The following CTNS variants were observed in gnomAD, a reference collection of about 807,000 sequenced individuals.
The protein encoded by CTNS is cystinosin.
Under a neutral mutation model 43.7 loss-of-function variants are expected in CTNS, and 27 were observed. That is an observed-to-expected ratio of 0.62 (90% CI 0.46 to 0.85). The LOEUF (loss-of-function observed/expected upper bound fraction) is 0.85, where lower values mean the gene tolerates loss of function less well. CTNS is among the 40% of genes least tolerant of loss of function. CTNS has a pLI of 0.00. For synonymous variants in CTNS, 187 were observed against 190.6 expected (o/e 0.98, Z 0.16); for missense variants, 457 against 475.4 (o/e 0.96, Z 0.36).
At chr17:3,638,707 A>T (rs1039062278) in intron 2 of CTNS, among the ~76,000 whole-genome samples, 5 of 152,164 alleles carry the variant, frequency 3.3e-5, no homozygotes, top group Non-Finnish European at 7.4e-5. Context: ...ATTTCTGGAG[A>T]AAAACCAGAC....
intron 5 of CTNS, among the ~76,000 whole-genome samples, chr17:3,654,172 C>T (rs1567708497): frequency 6.6e-6 from 1 of 152,308 alleles, no homozygotes; most frequent in East Asian, 1.9e-4. Flanking sequence ...AGGCTCTGTG[C>T]TGTCAGCTTT....
In CTNS at chr17:3,660,919, G is replaced by A. The variant is rs920508760; in HGVS notation, c.*550G>A. ...ACGTACTCTCTGTACATAACTCAGCGTCCGTGACTGCAGTAACAGCCAGCC... is the reference window on the plus strand; with the variant it reads ...ACGTACTCTCTGTACATAACTCAGCATCCGTGACTGCAGTAACAGCCAGCC... On this transcript the variant is annotated 3_prime_UTR_variant, in exon 12 of 12. Transcript: ENST00000046640. The A allele has an allele frequency of 3.8e-5, 33 of 862,384 alleles. No individual in the cohort carries two copies. The highest frequency in any genetic ancestry group is 3.1e-4 in the Admixed American group (14 of 45,732). The allele number at this position is 862,384 out of a possible 1,614,324, so 53.4% of individuals were successfully genotyped here.
At chr17:3,651,171 C>T (rs2075972729) in intron 5 of CTNS, among the ~76,000 whole-genome samples, 1 of 151,626 alleles carries the variant, frequency 6.6e-6, no homozygotes, top group African/African-American at 2.4e-5. Flanking sequence ...CTCAGCTCAC[C>T]GCAACCTCCA....
At position 3,648,828 on chromosome 17, in the gene CTNS, A is replaced by G; in HGVS notation, c.141-19A>G. On this transcript the variant is annotated intron_variant, in intron 4 of 11. Transcript: ENST00000046640. ...ACTGTCCAGCTTCTCAGCAGTAATT[A>G]GACTCTTGTCCTCCACAGGCCACCA... The G allele has an allele frequency of 2.5e-6, 4 of 1,596,840 alleles. No homozygotes were observed. The highest frequency in any genetic ancestry group is 3.4e-6 in the Non-Finnish European group (4 of 1,164,126).
chr17:3,649,045 A>C (rs2075911907), intron 5 of CTNS, 114 bp downstream of exon 5: 1 of 881,364 alleles, frequency 1.1e-6, no homozygotes, highest in Non-Finnish European at 1.9e-6. Context: ...TCAACCTAGA[A>C]ATCTGTGATT....
chr17:3,656,935 A>G (rs1370948624), intron 9 of CTNS, 140 bp downstream of exon 9: 14 of 1,396,314 alleles, frequency 1.0e-5, no homozygotes, highest in Non-Finnish European at 1.4e-5. Flanking sequence ...GGCATAGAAG[A>G]CACCCATGAG....
chr17:3,658,313 G>T, intron 10 of CTNS, 138 bp downstream of exon 10: 1 of 1,215,800 alleles, frequency 8.2e-7, no homozygotes, highest in Non-Finnish European at 1.2e-6. Flanking sequence ...GGAGCCCAGC[G>T]GGAGCGGGGC....
intron 11 of CTNS, 108 bp downstream of exon 11, chr17:3,660,083 C>A: frequency 6.9e-7 from 1 of 1,440,878 alleles, no homozygotes; most frequent in Non-Finnish European, 9.7e-7. Flanking sequence ...GGATCCAAGC[C>A]AATCCAGCCC....
At chr17:3,653,683 C>G (rs977112555) in intron 5 of CTNS, among the ~76,000 whole-genome samples, 2 of 152,148 alleles carry the variant, frequency 1.3e-5, no homozygotes, top group Non-Finnish European at 2.9e-5. Context: ...TGAGACCAGG[C>G]TGACCAACAT....
At chr17:3,652,512 A>C (rs2076011249) in intron 5 of CTNS, among the ~76,000 whole-genome samples, 1 of 152,130 alleles carries the variant, frequency 6.6e-6, no homozygotes, top group African/African-American at 2.4e-5. Context: ...AAATCACTTG[A>C]ACCCGGGAGG....
At chr17:3,645,859 C>CAA (rs35273890) in intron 3 of CTNS, among the ~76,000 whole-genome samples, 21 of 74,164 alleles carry the variant, frequency 2.8e-4, no homozygotes, top group African/African-American at 7.2e-4. Context: ...GACTCTGTCT[C>CAA]AAAAAAAAAA....
chr17:3,651,668 A>G (rs1042216027), intron 5 of CTNS, among the ~76,000 whole-genome samples: 1 of 152,014 alleles, frequency 6.6e-6, no homozygotes, highest in Non-Finnish European at 1.5e-5. Flanking sequence ...TTCAGTTTTT[A>G]AAAAAGTCTT....
chr17:3,656,451 AC>A, intron 7 of CTNS, 35 bp from the exon 8 acceptor site: 4 of 1,406,842 alleles, frequency 2.8e-6, no homozygotes, highest in African/African-American at 2.0e-5. Flanking sequence ...GCCAGTCTTC[AC>A]CCCCTGCCCT....
At chr17:3,650,195 G>A (rs189846721) in intron 5 of CTNS, 11 of 1,550,490 alleles carry the variant, frequency 7.1e-6, no homozygotes, top group Admixed American at 2.0e-5. Context: ...AGGAGGAGAA[G>A]AATGCAGGGA....
Position 3,658,114 on chromosome 17 carries a change from A to G in CTNS, c.791A>G (p.Gln264Arg). Residue 264 changes from glutamine to arginine, a missense_variant, in exon 10 of 12, where the codon CAG becomes CGG. By Grantham distance (43) the Gln-to-Arg change is conservative. Transcript: ENST00000046640. The part of the protein sequence containing the change: ...VAAVGVTTWL[Q>R]FLFCFSYIKL... ...GCAGTGGGAGTGACCACGTGGCTGC[A>G]GTTTCTCTTCTGCTTCTCCTACATC... 1 of 1,612,234 alleles carries G rather than the reference A, an allele frequency of 6.2e-7. No homozygotes were observed. Among genetic ancestry groups the G allele is most frequent in the Non-Finnish European group, 8.5e-7 (1 of 1,179,786 alleles).
chr17:3,638,400 G>T (rs2075594556), intron 2 of CTNS, among the ~76,000 whole-genome samples: 1 of 151,938 alleles, frequency 6.6e-6, no homozygotes, highest in Non-Finnish European at 1.5e-5. Context: ...ACCACGCCTG[G>T]CTAATTTTTG....
At chr17:3,658,355 G>A (rs1056967574) in intron 10 of CTNS, among the ~76,000 whole-genome samples, 180 bp downstream of exon 10, 1 of 151,824 alleles carries the variant, frequency 6.6e-6, no homozygotes, top group Non-Finnish European at 1.5e-5. Context: ...CTCTTCCCCC[G>A]GGGCTGGAAT....
At chr17:3,638,765 G>A (rs968694495) in intron 2 of CTNS, among the ~76,000 whole-genome samples, 2 of 152,168 alleles carry the variant, frequency 1.3e-5, no homozygotes, top group Admixed American at 6.6e-5. Context: ...CCACAGGGCA[G>A]GTGTGAGGAG....
At chr17:3,657,737 T>A (rs2076187813) in intron 9 of CTNS, 2 of 545,206 alleles carry the variant, frequency 3.7e-6, no homozygotes, top group Non-Finnish European at 6.6e-6. Flanking sequence ...AGCTTGAGAG[T>A]CCAAGCAGCC....
Sources: allele counts gnomAD v4.1 joint callset (sites outside exome capture counted in the v4.1 genomes callset), GRCh38; gene constraint gnomAD v4.1.1; transcripts MANE v1.5; gene names NCBI Gene and HGNC (gene_info 2026-07-23, HGNC 2026-07-21).